CDH12: variants seen among roughly 807,000 people sequenced by gnomAD.
CDH12 encodes cadherin-12.
CDH12 carries 41 observed loss-of-function variants against 74.1 expected under a neutral mutation model. That is an observed-to-expected ratio of 0.55 (90% CI 0.43 to 0.72). The LOEUF (loss-of-function observed/expected upper bound fraction) is 0.72. Among genes scored for constraint, CDH12 ranks in the 30% least tolerant of loss-of-function variants. The probability of loss-of-function intolerance (pLI) is 0.00; values close to 1 mark genes in which losing one functional copy is unlikely to be tolerated. For synonymous variants in CDH12, 399 were observed against 355.0 expected (o/e 1.12, Z -1.39); for missense variants, 945 against 977.2 (o/e 0.97, Z 0.44).
At chr5:22,615,762 CAA>C (rs1242678087) in intron 1 of CDH12, among the ~76,000 whole-genome samples, 1 of 151,980 alleles carries the variant, frequency 6.6e-6, no homozygotes, top group Non-Finnish European at 1.5e-5. Context: ...GCCAATTAAT[CAA>C]AGAGTCTCAT....
intron 4 of CDH12, among the ~76,000 whole-genome samples, chr5:22,165,377 C>T (rs1186388146): frequency 1.3e-5 from 2 of 152,136 alleles, no homozygotes; most frequent in African/African-American, 4.8e-5. Flanking sequence ...CACACAGTGA[C>T]AATTCCTTTA....
At chr5:22,258,452 A>T (rs1753397046) in intron 3 of CDH12, among the ~76,000 whole-genome samples, 1 of 152,038 alleles carries the variant, frequency 6.6e-6, no homozygotes, top group Non-Finnish European at 1.5e-5. Context: ...CCCCACCACC[A>T]ACCTCTTAAA....
chr5:21,898,009 A>AT (rs2150051025), intron 6 of CDH12, among the ~76,000 whole-genome samples: 1 of 152,244 alleles, frequency 6.6e-6, no homozygotes, highest in East Asian at 1.9e-4. Context: ...TATTTCTGAT[A>AT]TTTTTATTAA....
chr5:22,609,205 A>G (rs1259943422), intron 1 of CDH12, among the ~76,000 whole-genome samples: 1 of 152,196 alleles, frequency 6.6e-6, no homozygotes, highest in African/African-American at 2.4e-5. Context: ...AAGGAATGCA[A>G]TGGAACCCAA....
At chr5:22,359,040 G>A (rs762821020) in intron 3 of CDH12, among the ~76,000 whole-genome samples, 2 of 152,084 alleles carry the variant, frequency 1.3e-5, no homozygotes, top group Non-Finnish European at 2.9e-5. Flanking sequence ...AAAATAACCA[G>A]CTAACATCAT....
intron 3 of CDH12, among the ~76,000 whole-genome samples, chr5:22,282,729 G>T (rs557600406): frequency 6.6e-6 from 1 of 151,978 alleles, no homozygotes; most frequent in Non-Finnish European, 1.5e-5. Context: ...ATCATTAAAA[G>T]TCAGGAACAA....
At chr5:22,694,210 A>G (rs1457709385) in intron 1 of CDH12, among the ~76,000 whole-genome samples, 2 of 152,204 alleles carry the variant, frequency 1.3e-5, no homozygotes, top group Non-Finnish European at 2.9e-5. Flanking sequence ...CTTAGGATCC[A>G]TGTCAAACTT....
intron 1 of CDH12, chr5:22,580,511 G>T: frequency 4.2e-6 from 2 of 481,160 alleles, no homozygotes; most frequent in South Asian, 3.2e-5. Flanking sequence ...GTGAGCCGGG[G>T]ACTTCAGGAA....
intron 3 of CDH12, among the ~76,000 whole-genome samples, chr5:22,282,783 T>A (rs1167911808): frequency 6.6e-6 from 1 of 152,156 alleles, no homozygotes; most frequent in Non-Finnish European, 1.5e-5. Context: ...ATTTTTACAC[T>A]GTTGGTGGGA....
Position 22,481,651 on chromosome 5 carries a change from C to T in CDH12, c.-428+23619G>A, listed in dbSNP as rs143618283. Reference sequence around the variant, plus strand: ...ACATGAAGTATCTGAAATATTCAAACTCAAAGAAGCAGAGAGTAGAATGAT... The same window carrying T: ...ACATGAAGTATCTGAAATATTCAAATTCAAAGAAGCAGAGAGTAGAATGAT... On this transcript the variant is annotated intron_variant, in intron 2 of 14. Coordinates refer to ENST00000382254, the MANE Select transcript of CDH12 (RefSeq NM_004061.5). Among the ~76,000 whole-genome samples, 1,146 of 152,246 alleles carry T rather than the reference C, an allele frequency of 7.5e-3. 16 individuals carry two copies. Among genetic ancestry groups the T allele is most frequent in the African/African-American group, 0.026 (1,072 of 41,554 alleles).
At chr5:22,702,327 C>T (rs1012005066) in intron 1 of CDH12, among the ~76,000 whole-genome samples, 7 of 152,012 alleles carry the variant, frequency 4.6e-5, no homozygotes, top group Admixed American at 2.0e-4. Context: ...ATTTCGTCAC[C>T]CATATACAGG....
intron 6 of CDH12, among the ~76,000 whole-genome samples, chr5:21,923,076 T>G (rs1452038316): frequency 6.6e-6 from 1 of 150,874 alleles, no homozygotes; most frequent in African/African-American, 2.4e-5. Flanking sequence ...TGTTTTATAA[T>G]TTCAACATTG....
At chr5:22,238,063 G>T (rs1462043162) in intron 3 of CDH12, among the ~76,000 whole-genome samples, 2 of 152,156 alleles carry the variant, frequency 1.3e-5, no homozygotes, top group Non-Finnish European at 2.9e-5. Context: ...CAGGCATGGA[G>T]CCAGCATCTT....
At chr5:22,118,355 A>T (rs947915395) in intron 4 of CDH12, among the ~76,000 whole-genome samples, 12 of 152,046 alleles carry the variant, frequency 7.9e-5, no homozygotes, top group Admixed American at 6.6e-5. Context: ...GTATTGTTTC[A>T]GCCTTTTACA....
intron 6 of CDH12, among the ~76,000 whole-genome samples, chr5:21,931,013 C>T (rs1331787196): frequency 6.6e-6 from 1 of 152,106 alleles, no homozygotes; most frequent in African/African-American, 2.4e-5. Flanking sequence ...GCCAAAATGT[C>T]TCGAGCTTTA....
intron 1 of CDH12, among the ~76,000 whole-genome samples, chr5:22,847,505 T>C (rs1737360829): frequency 1.3e-5 from 2 of 152,218 alleles, no homozygotes; most frequent in Admixed American, 6.5e-5. Flanking sequence ...GTGCTGATGA[T>C]AGCACCCCAA....
chr5:22,823,334 G>A (rs1348062222), intron 1 of CDH12, among the ~76,000 whole-genome samples: 1 of 151,690 alleles, frequency 6.6e-6, no homozygotes, highest in African/African-American at 2.4e-5. Flanking sequence ...GTATACATAT[G>A]TAACAAACCT....
At chr5:21,843,607 C>G (rs1032875160) in intron 7 of CDH12, among the ~76,000 whole-genome samples, 2 of 151,898 alleles carry the variant, frequency 1.3e-5, no homozygotes, top group African/African-American at 4.8e-5. Flanking sequence ...CTCCGCCTCC[C>G]GGGTTCAAGT....
chr5:22,331,094 A>G (rs1739331833), intron 3 of CDH12, among the ~76,000 whole-genome samples: 1 of 152,150 alleles, frequency 6.6e-6, no homozygotes, highest in African/African-American at 2.4e-5. Flanking sequence ...AAATAACAAG[A>G]CTGGCTTTGC....
Sources: allele counts gnomAD v4.1 joint callset (sites outside exome capture counted in the v4.1 genomes callset), GRCh38; gene constraint gnomAD v4.1.1; transcripts MANE v1.5; gene names NCBI Gene and HGNC (gene_info 2026-07-23, HGNC 2026-07-21).